KCNIP1: variants seen among roughly 807,000 people sequenced by gnomAD.
KCNIP1 encodes the protein A-type potassium channel modulatory protein KCNIP1.
A neutral mutation model predicts 33.0 loss-of-function variants in KCNIP1; 18 were observed. That is an observed-to-expected ratio of 0.55 (90% CI 0.38 to 0.81). The LOEUF is 0.81. KCNIP1 is among the 30% of genes least tolerant of loss of function. The pLI, the probability that KCNIP1 is intolerant of heterozygous loss-of-function variation, is 0.00. For missense variants in KCNIP1, 238 were observed against 271.6 expected, an observed-to-expected ratio of 0.88 and a Z score of 0.87; for synonymous variants, 93 against 98.3, an observed-to-expected ratio of 0.95 and a Z score of 0.32.
At position 170,716,795 on chromosome 5, in the gene KCNIP1, G is replaced by A. The variant is rs370674536; in HGVS notation, c.62-1963G>A. Among the ~76,000 whole-genome samples the A allele has an allele frequency of 4.6e-5, 7 of 152,156 alleles. No homozygotes were observed. In the South Asian group the frequency reaches 8.3e-4, roughly 18 times the overall value. On this transcript the variant is annotated intron_variant, in intron 1 of 7. Transcript: ENST00000328939. The stretch of plus-strand genomic sequence containing the variant: ...TCAAGCTCCCACAAAGAAATTTCCC[G>A]AGCTTGTGAGGAATTCAGTCACAGG...
intron 1 of KCNIP1, among the ~76,000 whole-genome samples, chr5:170,461,647 G>A (rs1375331000): frequency 6.6e-6 from 1 of 151,988 alleles, no homozygotes; most frequent in African/African-American, 2.4e-5. Context: ...CTACTCGGGA[G>A]GCTGAGGCAG....
At chr5:170,618,963 C>T (rs1439885248) in intron 1 of KCNIP1, among the ~76,000 whole-genome samples, 1 of 152,100 alleles carries the variant, frequency 6.6e-6, no homozygotes, top group African/African-American at 2.4e-5. Flanking sequence ...GGGGACCCTC[C>T]CAAGCTCTCA....
At chr5:170,468,911 A>G (rs1430675436) in intron 1 of KCNIP1, among the ~76,000 whole-genome samples, 1 of 152,130 alleles carries the variant, frequency 6.6e-6, no homozygotes, top group Non-Finnish European at 1.5e-5. Context: ...AATGAAAAAA[A>G]AAAATCAACC....
At chr5:170,689,604 G>A (rs898376882) in intron 1 of KCNIP1, among the ~76,000 whole-genome samples, 4 of 152,186 alleles carry the variant, frequency 2.6e-5, no homozygotes, top group African/African-American at 7.2e-5. Flanking sequence ...TCCAAAGAAG[G>A]CAGCATTTTA....
intron 1 of KCNIP1, chr5:170,420,269 C>T (rs1755447263): frequency 1.3e-5 from 2 of 152,254 alleles, no homozygotes; most frequent in Non-Finnish European, 2.9e-5. Flanking sequence ...CCTCAGCCCA[C>T]TCTACATGAA....
intron 1 of KCNIP1, among the ~76,000 whole-genome samples, chr5:170,537,409 G>A (rs1036222800): frequency 6.6e-6 from 1 of 152,254 alleles, no homozygotes; most frequent in Non-Finnish European, 1.5e-5. Flanking sequence ...GCCAAGGTCT[G>A]TGATTCTAGG....
At chr5:170,555,956 G>A (rs1756829919) in intron 1 of KCNIP1, among the ~76,000 whole-genome samples, 1 of 152,146 alleles carries the variant, frequency 6.6e-6, no homozygotes, top group Non-Finnish European at 1.5e-5. Context: ...TGGCTTCCAG[G>A]TACCCTCTGA....
chr5:170,383,748 G>A, intron 1 of KCNIP1: 1 of 1,614,162 alleles, frequency 6.2e-7, no homozygotes, highest in East Asian at 2.2e-5. Flanking sequence ...CTGACACGTT[G>A]ACCCACAGGC....
At chr5:170,645,370 A>T (rs1760744346) in intron 1 of KCNIP1, among the ~76,000 whole-genome samples, 1 of 152,234 alleles carries the variant, frequency 6.6e-6, no homozygotes, top group Non-Finnish European at 1.5e-5. Context: ...ATTGTTAGGG[A>T]TAAGGATGGA....
intron 1 of KCNIP1, among the ~76,000 whole-genome samples, chr5:170,620,451 T>C (rs1356595713): frequency 6.6e-6 from 1 of 152,184 alleles, no homozygotes; most frequent in Non-Finnish European, 1.5e-5. Context: ...GGAAGGAGTT[T>C]ATTGCAAAAG....
intron 1 of KCNIP1, among the ~76,000 whole-genome samples, chr5:170,425,583 C>T (rs1755595043): frequency 6.6e-6 from 1 of 152,236 alleles, no homozygotes; most frequent in African/African-American, 2.4e-5. Context: ...ACACAGAACA[C>T]AAGACATCCT....
intron 1 of KCNIP1, among the ~76,000 whole-genome samples, chr5:170,428,723 C>T (rs1755668735): frequency 1.3e-5 from 2 of 152,212 alleles, no homozygotes; most frequent in South Asian, 4.2e-4. Flanking sequence ...CTTCACCTTC[C>T]CACCCTTTAT....
At chr5:170,604,346 A>T (rs1271229569) in intron 1 of KCNIP1, among the ~76,000 whole-genome samples, 1 of 152,116 alleles carries the variant, frequency 6.6e-6, no homozygotes, top group African/African-American at 2.4e-5. Flanking sequence ...CTGGCAGCCC[A>T]CTCTGATGCC....
chr5:170,571,203 C>G (rs1280850818), intron 1 of KCNIP1, among the ~76,000 whole-genome samples: 1 of 152,196 alleles, frequency 6.6e-6, no homozygotes, highest in East Asian at 1.9e-4. Context: ...GTCTTTTGGA[C>G]TCTGGTTGAC....
At chr5:170,438,296 T>G (rs1755910038) in intron 1 of KCNIP1, among the ~76,000 whole-genome samples, 1 of 152,128 alleles carries the variant, frequency 6.6e-6, no homozygotes, top group Non-Finnish European at 1.5e-5. Context: ...AAGGCTCTAG[T>G]GTTCAAACTC....
At chr5:170,462,670 T>C (rs1040125611) in intron 1 of KCNIP1, among the ~76,000 whole-genome samples, 3 of 152,184 alleles carry the variant, frequency 2.0e-5, no homozygotes, top group East Asian at 1.9e-4. Context: ...ACGAAAAAGA[T>C]ACTTGCACAC....
At chr5:170,661,328 T>A (rs1478361489) in intron 1 of KCNIP1, among the ~76,000 whole-genome samples, 1 of 152,224 alleles carries the variant, frequency 6.6e-6, no homozygotes, top group East Asian at 1.9e-4. Flanking sequence ...TTGACATGCA[T>A]GACTCAGAAT....
intron 1 of KCNIP1, among the ~76,000 whole-genome samples, chr5:170,587,558 G>C (rs1447707336): frequency 6.6e-6 from 1 of 152,124 alleles, no homozygotes; most frequent in Non-Finnish European, 1.5e-5. Context: ...GGCTCCAGGG[G>C]AAAGTGTTTC....
At chr5:170,526,812 T>A (rs1317231685) in intron 1 of KCNIP1, among the ~76,000 whole-genome samples, 1 of 142,622 alleles carries the variant, frequency 7.0e-6, no homozygotes, top group Non-Finnish European at 1.5e-5. Flanking sequence ...AACCTCCACC[T>A]ACCAGGTTCC....
Sources: gnomAD v4.1 joint callset for allele counts (sites outside exome capture counted in the v4.1 genomes callset) on GRCh38, gnomAD v4.1.1 for gene constraint, MANE v1.5 for transcripts, NCBI Gene and HGNC (gene_info 2026-07-23, HGNC 2026-07-21) for gene names.